The following ENTREP2 variants were observed in gnomAD, a reference collection of about 807,000 sequenced individuals.
ENTREP2 encodes protein ENTREP2.
the ENTREP2 span, among the ~76,000 whole-genome samples, chr15:29,127,318 C>A: frequency 1.3e-5 from 2 of 152,178 alleles, no homozygotes; most frequent in Non-Finnish European, 2.9e-5. Context: ...TCAGAGCCCC[C>A]TCCTGGCGCC....
At chr15:29,670,093 T>A in the ENTREP2 span, among the ~76,000 whole-genome samples, 9 of 152,322 alleles carry the variant, frequency 5.9e-5, no homozygotes, top group Non-Finnish European at 5.9e-5. Context: ...TAAACTTGAG[T>A]GACATGCAGA....
chr15:29,488,541 G>C, the ENTREP2 span, among the ~76,000 whole-genome samples: 1 of 151,780 alleles, frequency 6.6e-6, no homozygotes. Flanking sequence ...CCTGATAAAA[G>C]ATACAAATCT....
the ENTREP2 span, chr15:29,674,859 A>G: frequency 6.6e-6 from 1 of 152,206 alleles, no homozygotes; most frequent in South Asian, 2.1e-4. Flanking sequence ...AGCGCCCCGC[A>G]CCTGTGGCGC....
chr15:29,353,433 T>TTAGG, the ENTREP2 span, among the ~76,000 whole-genome samples: 4 of 152,124 alleles, frequency 2.6e-5, no homozygotes, highest in African/African-American at 4.8e-5. Flanking sequence ...ATGTATGCAC[T>TTAGG]TAGGTAGGTA....
chr15:29,529,567 AG>A, the ENTREP2 span, among the ~76,000 whole-genome samples: 1 of 151,940 alleles, frequency 6.6e-6, no homozygotes, highest in Non-Finnish European at 1.5e-5. Flanking sequence ...GCATTCTGAA[AG>A]GCTCACTCAC....
chr15:29,661,700 A>G, the ENTREP2 span, among the ~76,000 whole-genome samples: 1 of 152,212 alleles, frequency 6.6e-6, no homozygotes, highest in East Asian at 1.9e-4. Flanking sequence ...CAAGGCTATA[A>G]TACACAGAAA....
At chr15:29,623,253 G>A in the ENTREP2 span, among the ~76,000 whole-genome samples, 4 of 152,188 alleles carry the variant, frequency 2.6e-5, no homozygotes, top group Non-Finnish European at 5.9e-5. Context: ...GCCTCTGAGC[G>A]AGGAAAAGCT....
At chr15:29,438,825 A>T in the ENTREP2 span, among the ~76,000 whole-genome samples, 36 of 152,232 alleles carry the variant, frequency 2.4e-4, no homozygotes, top group Admixed American at 2.4e-3. Flanking sequence ...ACTGAAATGC[A>T]TGCCATGAGA....
the ENTREP2 span, among the ~76,000 whole-genome samples, chr15:29,310,535 C>T: frequency 6.6e-6 from 1 of 152,182 alleles, no homozygotes; most frequent in African/African-American, 2.4e-5. Context: ...ACAGTCAAGG[C>T]CAAAGGCAAC....
the ENTREP2 span, among the ~76,000 whole-genome samples, chr15:29,348,590 G>A: frequency 6.6e-6 from 1 of 152,200 alleles, no homozygotes; most frequent in African/African-American, 2.4e-5. Flanking sequence ...TCCATTACAG[G>A]AGTGACAGGA....
chr15:29,395,681 C>G, the ENTREP2 span, among the ~76,000 whole-genome samples: 7 of 151,060 alleles, frequency 4.6e-5, no homozygotes, highest in Non-Finnish European at 1.0e-4. Flanking sequence ...GTGCATGCCA[C>G]CACACCCAGC....
At chr15:29,378,858 T>C in the ENTREP2 span, among the ~76,000 whole-genome samples, 1 of 152,256 alleles carries the variant, frequency 6.6e-6, no homozygotes, top group African/African-American at 2.4e-5. Flanking sequence ...GTTATGTTTT[T>C]CTAAAGCACC....
chr15:29,555,051 T>C, the ENTREP2 span, among the ~76,000 whole-genome samples: 1 of 152,174 alleles, frequency 6.6e-6, no homozygotes, highest in Non-Finnish European at 1.5e-5. Context: ...GACAAACAGC[T>C]ACATGAGACA....
the ENTREP2 span, among the ~76,000 whole-genome samples, chr15:29,186,884 A>G: frequency 6.6e-6 from 1 of 152,216 alleles, no homozygotes; most frequent in Non-Finnish European, 1.5e-5. Context: ...GGAAGGGTAC[A>G]GGTCTTCAGC....
the ENTREP2 span, among the ~76,000 whole-genome samples, chr15:29,579,823 G>A: frequency 6.7e-6 from 1 of 148,262 alleles, no homozygotes; most frequent in Non-Finnish European, 1.5e-5. Flanking sequence ...CCATTCTCCT[G>A]CCTCAGCCTC....
the ENTREP2 span, among the ~76,000 whole-genome samples, chr15:29,143,759 A>G: frequency 6.6e-6 from 1 of 152,228 alleles, no homozygotes; most frequent in Non-Finnish European, 1.5e-5. Context: ...CCAGAAATGA[A>G]GAGTTAGTAC....
At chr15:29,574,210 C>A in the ENTREP2 span, among the ~76,000 whole-genome samples, 1 of 152,158 alleles carries the variant, frequency 6.6e-6, no homozygotes, top group African/African-American at 2.4e-5. Context: ...TTCTTGGAGA[C>A]CCCTGGAACC....
At chr15:29,231,907 T>TTTTTTTTTG in the ENTREP2 span, among the ~76,000 whole-genome samples, 1 of 149,828 alleles carries the variant, frequency 6.7e-6, no homozygotes. Flanking sequence ...TTTTTTTTTT[T>TTTTTTTTTG]TGAGACGGAG....
chr15:29,639,455 T>A, the ENTREP2 span, among the ~76,000 whole-genome samples: 1 of 152,304 alleles, frequency 6.6e-6, no homozygotes, highest in South Asian at 2.1e-4. Context: ...TTACATATAT[T>A]TTATCACAAT....
Sources: gnomAD v4.1 joint callset for allele counts (sites outside exome capture counted in the v4.1 genomes callset) on GRCh38, gnomAD v4.1.1 for gene constraint, MANE v1.5 for transcripts, NCBI Gene and HGNC (gene_info 2026-07-23, HGNC 2026-07-21) for gene names.